TMEM178B: variants seen among roughly 807,000 people sequenced by gnomAD.
The protein encoded by TMEM178B is transmembrane protein 178B.
Under a neutral mutation model 31.0 loss-of-function variants are expected in TMEM178B, and 5 were observed. The observed-to-expected ratio is 0.16, with a 90% CI of 0.08 to 0.34. The LOEUF is 0.34. Ranked by LOEUF, TMEM178B falls within the 10% of genes least tolerant of loss-of-function variation. The pLI, the probability that TMEM178B is intolerant of heterozygous loss-of-function variation, is 1.00. For missense variants in TMEM178B, 275 were observed against 400.3 expected, an observed-to-expected ratio of 0.69 and a Z score of 2.67; for synonymous variants, 164 against 164.0, an observed-to-expected ratio of 1.00 and a Z score of 0.00.
intron 2 of TMEM178B, among the ~76,000 whole-genome samples, chr7:141,237,084 A>G (rs1797539529): frequency 6.6e-6 from 1 of 152,236 alleles, no homozygotes; most frequent in Non-Finnish European, 1.5e-5. Context: ...CACTAATAGC[A>G]TATCTTTTGT....
At chr7:141,202,988 T>G (rs1796903074) in intron 1 of TMEM178B, among the ~76,000 whole-genome samples, 1 of 152,202 alleles carries the variant, frequency 6.6e-6, no homozygotes, top group South Asian at 2.1e-4. Context: ...CGACCAAGTT[T>G]CCCTTTTAAT....
intron 2 of TMEM178B, among the ~76,000 whole-genome samples, chr7:141,234,532 C>T (rs908081786): frequency 1.8e-4 from 28 of 152,288 alleles, no homozygotes; most frequent in African/African-American, 6.7e-4. Flanking sequence ...CTGCTTAAAA[C>T]TCAGGCACAC....
intron 2 of TMEM178B, among the ~76,000 whole-genome samples, chr7:141,247,482 T>C (rs1371023856): frequency 6.6e-6 from 1 of 152,232 alleles, no homozygotes; most frequent in Non-Finnish European, 1.5e-5. Context: ...TCACAGGTTC[T>C]GCTCGAGATG....
chr7:141,099,965 A>G (rs972197576), intron 1 of TMEM178B, among the ~76,000 whole-genome samples: 20 of 151,494 alleles, frequency 1.3e-4, no homozygotes, highest in Non-Finnish European at 2.8e-4. Context: ...GACTACAGGC[A>G]CCCGCCACCA....
intron 2 of TMEM178B, among the ~76,000 whole-genome samples, chr7:141,411,003 G>C (rs1376840757): frequency 6.6e-6 from 1 of 152,076 alleles, no homozygotes; most frequent in Non-Finnish European, 1.5e-5. Context: ...GCATATGAGT[G>C]GTTGAATGCA....
At chr7:141,255,704 A>G (rs1797916501) in intron 2 of TMEM178B, among the ~76,000 whole-genome samples, 1 of 151,944 alleles carries the variant, frequency 6.6e-6, no homozygotes, top group African/African-American at 2.4e-5. Flanking sequence ...GAATCTGTAG[A>G]CTGGATATTG....
intron 1 of TMEM178B, among the ~76,000 whole-genome samples, chr7:141,155,423 G>T (rs1796051872): frequency 6.6e-6 from 1 of 152,100 alleles, no homozygotes; most frequent in Non-Finnish European, 1.5e-5. Context: ...CCCTGATGGG[G>T]GCATAGCACC....
chr7:141,141,229 G>GAAAGA (rs1795763153), intron 1 of TMEM178B, among the ~76,000 whole-genome samples: 1 of 151,952 alleles, frequency 6.6e-6, no homozygotes, highest in African/African-American at 2.4e-5. Context: ...TTCCAACCTT[G>GAAAGA]GCCTTTGGTA....
chr7:141,188,053 T>C (rs900721129), intron 1 of TMEM178B, among the ~76,000 whole-genome samples: 1 of 152,212 alleles, frequency 6.6e-6, no homozygotes, highest in African/African-American at 2.4e-5. Flanking sequence ...CTAGGTTTTC[T>C]TCTAGGGTTT....
At chr7:141,389,565 G>C (rs1304425592) in intron 2 of TMEM178B, among the ~76,000 whole-genome samples, 1 of 152,202 alleles carries the variant, frequency 6.6e-6, no homozygotes, top group Non-Finnish European at 1.5e-5. Context: ...ATGTTCCCAT[G>C]ATCTTAAGAT....
At chr7:141,247,261 T>A (rs1797752291) in intron 2 of TMEM178B, among the ~76,000 whole-genome samples, 1 of 152,086 alleles carries the variant, frequency 6.6e-6, no homozygotes, top group Non-Finnish European at 1.5e-5. Context: ...TATGTAGATA[T>A]AGATATTTAT....
At chr7:141,501,827 C>T in the TMEM178B span, among the ~76,000 whole-genome samples, 1 of 151,504 alleles carries the variant, frequency 6.6e-6, no homozygotes, top group Non-Finnish European at 1.5e-5. Context: ...TGAGTCAATT[C>T]CTTAGAATCA....
At chr7:141,420,158 CCT>C (rs1291795431) in intron 2 of TMEM178B, among the ~76,000 whole-genome samples, 1 of 151,504 alleles carries the variant, frequency 6.6e-6, no homozygotes, top group Non-Finnish European at 1.5e-5. Flanking sequence ...CATCCCCCAA[CCT>C]ACTTAATTTT....
rs926532572 is a variant in TMEM178B at position 141,344,358 on chromosome 7, G to T, written c.497-93250G>T. Among the ~76,000 whole-genome samples the T allele has an allele frequency of 1.3e-5, 2 of 152,180 alleles. No homozygotes were observed. Among genetic ancestry groups the T allele is most frequent in the African/African-American group, 4.8e-5 (2 of 41,450 alleles). On this transcript the variant is annotated intron_variant, in intron 2 of 3. Transcript: ENST00000565468. This position sits in a 1 kb window ranked among gnomAD's most constrained non-coding sequence, Gnocchi z 4.1. ...TCTCTGACTTCAAGGCCTGAGCTCA[G>T]AACCCCTGGTCCGATAGCCCTTCAG...
At chr7:141,465,362 A>G (rs1380320000) in intron 3 of TMEM178B, among the ~76,000 whole-genome samples, 1 of 152,134 alleles carries the variant, frequency 6.6e-6, no homozygotes, top group Admixed American at 6.5e-5. Context: ...ATATTTTCCT[A>G]GAGGACCTGC....
chr7:141,098,438 A>T (rs991677919), intron 1 of TMEM178B, among the ~76,000 whole-genome samples: 1 of 152,234 alleles, frequency 6.6e-6, no homozygotes, highest in East Asian at 1.9e-4. Flanking sequence ...AGACATTTGT[A>T]TGTAAAGTGG....
chr7:141,088,605 A>G (rs1038672257), intron 1 of TMEM178B, among the ~76,000 whole-genome samples: 1 of 152,092 alleles, frequency 6.6e-6, no homozygotes, highest in African/African-American at 2.4e-5. Flanking sequence ...TGCCTATTGG[A>G]TATCTCCACT....
intron 2 of TMEM178B, among the ~76,000 whole-genome samples, chr7:141,403,818 T>C (rs779370790): frequency 1.3e-5 from 2 of 152,164 alleles, no homozygotes; most frequent in Non-Finnish European, 2.9e-5. Context: ...GACACAAATT[T>C]CTCCAGAAAG....
At chr7:141,328,981 C>CTTCCTGATTG (rs1188890427) in intron 2 of TMEM178B, among the ~76,000 whole-genome samples, 1 of 152,114 alleles carries the variant, frequency 6.6e-6, no homozygotes, top group Non-Finnish European at 1.5e-5. Flanking sequence ...GCTGTGCTTC[C>CTTCCTGATTG]TTCCTGATTG....
Sources: gnomAD v4.1 joint callset for allele counts (sites outside exome capture counted in the v4.1 genomes callset) on GRCh38, gnomAD v4.1.1 for gene constraint, Gnocchi (gnomAD v3.1) non-coding constraint, MANE v1.5 for transcripts, NCBI Gene and HGNC (gene_info 2026-07-23, HGNC 2026-07-21) for gene names.